Variants in CDKN2AIPNL observed in about 807,000 individuals in gnomAD.
CDKN2AIPNL encodes CDKN2AIP N-terminal-like protein.
In CDKN2AIPNL, 9 loss-of-function variants were observed where a neutral mutation model predicts 12.9. The ratio of observed to expected loss-of-function variants is 0.70; its 90% CI spans 0.42 to 1.22. The LOEUF (loss-of-function observed/expected upper bound fraction) is 1.22, where lower values mean the gene tolerates loss of function less well. CDKN2AIPNL is among the 50% of genes most tolerant of loss of function. The pLI is 0.00. For missense variants in CDKN2AIPNL, 143 were observed against 153.6 expected (o/e 0.93, Z 0.37); for synonymous variants, 53 against 61.7 (o/e 0.86, Z 0.66).
intron 2 of CDKN2AIPNL, among the ~76,000 whole-genome samples, chr5:134,408,557 C>T (rs1442775834): frequency 2.7e-5 from 4 of 150,164 alleles, no homozygotes; most frequent in East Asian, 2.0e-4. Flanking sequence ...TGGTGGCAGG[C>T]GCCTGTAGTC....
At chr5:134,407,528 C>T (rs1357367337) in intron 2 of CDKN2AIPNL, among the ~76,000 whole-genome samples, 3 of 152,136 alleles carry the variant, frequency 2.0e-5, no homozygotes, top group African/African-American at 4.8e-5. Context: ...AATCCCAGCA[C>T]TTTGGGAAGC....
At chr5:134,403,901 G>A (rs940815874) in intron 2 of CDKN2AIPNL, among the ~76,000 whole-genome samples, 1 of 152,188 alleles carries the variant, frequency 6.6e-6, no homozygotes, top group Non-Finnish European at 1.5e-5. Flanking sequence ...TGGGATTAGA[G>A]GCGTGAGCCA....
chr5:134,404,628 A>ATT (rs113061543), intron 2 of CDKN2AIPNL, among the ~76,000 whole-genome samples: 8 of 138,320 alleles, frequency 5.8e-5, no homozygotes, highest in South Asian at 2.3e-4. Context: ...GGCTAGGCTG[A>ATT]TTTTTTTTTT....
intron 2 of CDKN2AIPNL, among the ~76,000 whole-genome samples, chr5:134,406,371 G>A (rs1407838725): frequency 6.6e-6 from 1 of 152,142 alleles, no homozygotes; most frequent in Non-Finnish European, 1.5e-5. Context: ...ACGTTTTCAG[G>A]TGTATGGCTG....
Position 134,411,859 on chromosome 5 carries a change from C to T in CDKN2AIPNL, c.-5G>A, listed in dbSNP as rs1361679285. On this transcript the variant is annotated 5_prime_UTR_variant, in exon 1 of 3. Transcript: ENST00000458198. ...AGCCGCCTCGCCACCGACCATGGTG[C>T]CCGCCGCAGCCGAGGACCGGATAGC... The T allele has an allele frequency of 4.5e-6, 7 of 1,560,230 alleles. No individual in the cohort carries two copies. The South Asian group carries it at 8.2e-5, about 18-fold the overall frequency.
intron 1 of CDKN2AIPNL, chr5:134,411,109 G>A (rs1439919784): frequency 2.8e-6 from 2 of 702,530 alleles, no homozygotes; most frequent in Non-Finnish European, 5.2e-6. Flanking sequence ...AAAAGCCATA[G>A]GATACAGATT....
Position 134,402,929 on chromosome 5 carries a change from G to A in CDKN2AIPNL, c.340-3C>T. 1 of 1,604,540 alleles carries A rather than the reference G, an allele frequency of 6.2e-7. No individual in the cohort carries two copies. The highest frequency in any genetic ancestry group is 1.3e-5 in the African/African-American group (1 of 74,758). On this transcript the variant is annotated splice_polypyrimidine_tract_variant and splice_region_variant and intron_variant, in intron 2 of 2. Coordinates refer to ENST00000458198, the MANE Select transcript of CDKN2AIPNL (RefSeq NM_080656.3). ...AATCTTCTGGCTTAGCTTTGATGCT[G>A]GGAAAAAAAGAAAAGAAAAGGTTAC...
rs1759043313 is a variant in CDKN2AIPNL at position 134,402,537 on chromosome 5, T to G, written c.*378A>C. ...CAAAAAACAAAAAACCCTGAAAATA[T>G]GAGCCCAGGAGTTCGAGGCTGCAAT... On this transcript the variant is annotated 3_prime_UTR_variant, in exon 3 of 3. Transcript: ENST00000458198. 5.4e-6 allele frequency: 1 copy of G among 184,678 alleles called. No homozygotes were observed. Among genetic ancestry groups the G allele is most frequent in the Admixed American group, 6.1e-5 (1 of 16,286 alleles). 11.4% of individuals were successfully genotyped at this position (184,678 alleles called of 1,614,324 possible). A position where few individuals can be genotyped will look rare whatever the true frequency, so the allele number is the denominator to read the frequency against.
chr5:134,403,408 G>A (rs1180772153), intron 2 of CDKN2AIPNL, among the ~76,000 whole-genome samples: 2 of 152,332 alleles, frequency 1.3e-5, no homozygotes, highest in East Asian at 3.9e-4. Context: ...GTGAAATGAA[G>A]CAGAGCTATT....
At chr5:134,408,347 C>G (rs186776279) in intron 2 of CDKN2AIPNL, among the ~76,000 whole-genome samples, 1 of 151,786 alleles carries the variant, frequency 6.6e-6, no homozygotes, top group Non-Finnish European at 1.5e-5. Flanking sequence ...CACACTGCTC[C>G]CTGGCTAAAA....
chr5:134,411,718 C>T lies in CDKN2AIPNL; in HGVS notation c.137G>A (p.Arg46His). 2.5e-6 allele frequency: 4 copies of T among 1,613,006 alleles called. No homozygotes were observed. The highest frequency in any genetic ancestry group is 3.4e-6 in the Non-Finnish European group (4 of 1,179,796). ...CGGGTCGCGGTAGTCGGGCAGGTGG[C>T]GCAGGATGAATTCCATGCGGGCCTT... ...QWKARMEFIL[R>H]HLPDYRDPPD... Residue 46 changes from arginine (R) to histidine (H), a missense_variant, in exon 1 of 3, where the codon CGC becomes CAC. Physicochemically the swap from Arg to His is conservative, Grantham distance 29. Coordinates refer to ENST00000458198, the MANE Select transcript of CDKN2AIPNL (RefSeq NM_080656.3).
rs1759192920 is a variant in CDKN2AIPNL at position 134,411,628 on chromosome 5, A to T, written c.227T>A (p.Phe76Tyr). The stretch of plus-strand genomic sequence containing the variant: ...CAGGGGTCCGCACCTGCAGCCTAGG[A>T]AGAGATGGTTGGCCCAGACCATGGA... ...SLSMVWANHL[F>Y]LGCSYNKDLL... Residue 76 changes from phenylalanine to tyrosine, a missense_variant, in exon 1 of 3, where the codon TTC (phenylalanine) becomes TAC (tyrosine). Phe to Tyr is a conservative substitution (Grantham distance 22). This residue lies in a region of CDKN2AIPNL where 111 missense variants were observed against 111.4 expected (regional missense o/e 1.00). Coordinates refer to ENST00000458198, the MANE Select transcript of CDKN2AIPNL (RefSeq NM_080656.3). The T allele has an allele frequency of 1.2e-6, 2 of 1,612,344 alleles. No homozygotes were observed. Among genetic ancestry groups the T allele is most frequent in the Non-Finnish European group, 8.5e-7 (1 of 1,179,602 alleles).
intron 1 of CDKN2AIPNL, 80 bp from the exon 2 acceptor site, chr5:134,410,082 C>A: frequency 1.0e-6 from 1 of 966,122 alleles, no homozygotes; most frequent in Admixed American, 2.1e-5. Context: ...GGTTGCTCAA[C>A]TATAAAATCA....
chr5:134,403,733 T>G (rs992389159), intron 2 of CDKN2AIPNL, among the ~76,000 whole-genome samples: 1 of 152,196 alleles, frequency 6.6e-6, no homozygotes, highest in Non-Finnish European at 1.5e-5. Context: ...CAAGCAATTC[T>G]CCTGCCTCAG....
chr5:134,409,696 T>C (rs1385190053), intron 2 of CDKN2AIPNL, among the ~76,000 whole-genome samples: 1 of 152,208 alleles, frequency 6.6e-6, no homozygotes, highest in Non-Finnish European at 1.5e-5. Flanking sequence ...ATGTGTTACC[T>C]CATCAACAAT....
intron 2 of CDKN2AIPNL, 110 bp downstream of exon 2, chr5:134,409,793 T>C (rs1759162873): frequency 1.6e-6 from 1 of 642,546 alleles, no homozygotes; most frequent in South Asian, 2.1e-5. Flanking sequence ...GTATAGGTCT[T>C]TGGGGCAGTA....
chr5:134,403,868 C>T lies in CDKN2AIPNL; in HGVS notation c.340-942G>A, dbSNP rs191728624. On this transcript the variant is annotated intron_variant, in intron 2 of 2. Transcript: ENST00000458198. Reference sequence around the variant, plus strand: ...CTTGAACTCATGACCTCATGATCCACCCACCTCGGCCTCCCAAAGTGCTGG... The same window carrying T: ...CTTGAACTCATGACCTCATGATCCATCCACCTCGGCCTCCCAAAGTGCTGG... Among the ~76,000 whole-genome samples, 474 of 152,350 alleles carry T rather than the reference C, an allele frequency of 3.1e-3. 15 individuals are homozygous for T. Among genetic ancestry groups the T allele is most frequent in the Non-Finnish European group, 7.8e-4 (53 of 68,042 alleles).
At chr5:134,403,484 G>T (rs1226830986) in intron 2 of CDKN2AIPNL, among the ~76,000 whole-genome samples, 1 of 152,120 alleles carries the variant, frequency 6.6e-6, no homozygotes, top group Non-Finnish European at 1.5e-5. Context: ...TTTAAACAGG[G>T]TGTGAAAAAA....
In CDKN2AIPNL at chr5:134,406,848, C is replaced by T. The variant is rs556107641; in HGVS notation, c.339+3055G>A. Among the ~76,000 whole-genome samples the T allele has an allele frequency of 3.9e-4, 59 of 152,306 alleles. 1 individual carries two copies. Among genetic ancestry groups the T allele is most frequent in the Admixed American group, 2.2e-3 (33 of 15,304 alleles). On this transcript the variant is annotated intron_variant, in intron 2 of 2. Transcript: ENST00000458198. ...GCAAGCCACTGCACTCCAGCCTGAG[C>T]CACAGAGAGAGACCCCTGTCTGAAA...
Sources: gnomAD v4.1 joint callset for allele counts (sites outside exome capture counted in the v4.1 genomes callset) on GRCh38, gnomAD v4.1.1 for gene constraint, gnomAD v4.1.1 regional missense constraint, MANE v1.5 for transcripts, NCBI Gene and HGNC (gene_info 2026-07-23, HGNC 2026-07-21) for gene names.